QKI: variants seen among roughly 807,000 people sequenced by gnomAD.
QKI encodes the protein QKI, KH domain containing RNA binding, also known as KH domain-containing RNA-binding protein QKI.
QKI carries 10 observed loss-of-function variants against 39.0 expected under a neutral mutation model. The ratio of observed to expected loss-of-function variants is 0.26; its 90% confidence interval spans 0.16 to 0.43. The LOEUF (loss-of-function observed/expected upper bound fraction) is 0.43. QKI is among the 20% of genes least tolerant of loss of function. The probability of loss-of-function intolerance (pLI) is 1.00; values close to 1 mark genes in which losing one functional copy is unlikely to be tolerated. For synonymous variants in QKI, 204 were observed against 155.4 expected, an observed-to-expected ratio of 1.31 and a Z score of -2.33; for missense variants, 218 against 428.0, an observed-to-expected ratio of 0.51 and a Z score of 4.33.
At chr6:163,518,501 C>T (rs78843033) in intron 3 of QKI, among the ~76,000 whole-genome samples, 6,152 of 152,232 alleles carry the variant, frequency 0.04, 139 homozygotes, top group African/African-American at 0.063. Flanking sequence ...GCCACAGACT[C>T]ATTTCTAAAG....
chr6:163,570,611 G>A, intron 7 of QKI, 83 bp from the exon 8 acceptor site: 5 of 1,579,306 alleles, frequency 3.2e-6, no homozygotes, highest in Non-Finnish European at 3.4e-6. Context: ...TTGTCATTAA[G>A]CCGTCACTAG....
At chr6:163,548,108 C>T (rs1308712444) in intron 4 of QKI, among the ~76,000 whole-genome samples, 2 of 152,136 alleles carry the variant, frequency 1.3e-5, no homozygotes, top group Admixed American at 1.3e-4. Flanking sequence ...GATTTGTATT[C>T]TGTACTAATA....
At chr6:163,478,547 T>G (rs1792804825) in intron 2 of QKI, among the ~76,000 whole-genome samples, 1 of 152,216 alleles carries the variant, frequency 6.6e-6, no homozygotes, top group African/African-American at 2.4e-5. Context: ...CTGTATACTG[T>G]TCCCAGTTCA....
intron 3 of QKI, among the ~76,000 whole-genome samples, chr6:163,528,822 G>A (rs1318892168): frequency 6.6e-6 from 1 of 152,050 alleles, no homozygotes; most frequent in Non-Finnish European, 1.5e-5. Context: ...CCATTTCCAT[G>A]GAACCTCTGT....
At chr6:163,496,654 T>TCCTCC (rs1778431536) in intron 3 of QKI, among the ~76,000 whole-genome samples, 1 of 152,200 alleles carries the variant, frequency 6.6e-6, no homozygotes, top group Non-Finnish European at 1.5e-5. Context: ...TGTAGCTTGC[T>TCCTCC]CCTCCCTAGA....
At chr6:163,517,481 A>C (rs949879152) in intron 3 of QKI, among the ~76,000 whole-genome samples, 5 of 151,578 alleles carry the variant, frequency 3.3e-5, no homozygotes, top group Non-Finnish European at 7.4e-5. Flanking sequence ...GCAGTGGCTT[A>C]ATCTTGGTTC....
chr6:163,475,558 A>C (rs997843176), intron 2 of QKI, among the ~76,000 whole-genome samples: 1 of 152,170 alleles, frequency 6.6e-6, no homozygotes, highest in African/African-American at 2.4e-5. Context: ...CCCACCCCAG[A>C]TACCAAGGGA....
chr6:163,532,021 A>G (rs1198909878), intron 3 of QKI, among the ~76,000 whole-genome samples: 1 of 152,246 alleles, frequency 6.6e-6, no homozygotes. Flanking sequence ...TGAATTAGTA[A>G]GAGTACGCAT....
At chr6:163,509,419 A>AT (rs530946004) in intron 3 of QKI, among the ~76,000 whole-genome samples, 101 of 151,002 alleles carry the variant, frequency 6.7e-4, no homozygotes, top group Middle Eastern at 3.5e-3. Context: ...GAAAATAACC[A>AT]TTTTTTTTGC....
chr6:163,568,823 A>G (rs996636324), intron 7 of QKI: 5 of 985,760 alleles, frequency 5.1e-6, no homozygotes, highest in Non-Finnish European at 6.0e-6. Context: ...CTGAATTTGA[A>G]GCCTATTAGA....
At chr6:163,472,462 A>G (rs1208011168) in intron 2 of QKI, among the ~76,000 whole-genome samples, 6 of 152,076 alleles carry the variant, frequency 3.9e-5, no homozygotes, top group Admixed American at 3.9e-4. Context: ...AATGTTCTGT[A>G]AGTAGACCCA....
At chr6:163,508,248 AT>A (rs1390614918) in intron 3 of QKI, among the ~76,000 whole-genome samples, 1 of 152,180 alleles carries the variant, frequency 6.6e-6, no homozygotes, top group Non-Finnish European at 1.5e-5. Flanking sequence ...AATCTCACAA[AT>A]TTGATGAAAG....
rs77172426 is a variant in QKI, at chr6:163,568,927, G to A, written c.1010-1767G>A. The stretch of plus-strand genomic sequence containing the variant: ...AAGACTTGGCAGAGGATGTAGTCTA[G>A]GTGTCCTGGTATATATAAATGGTCA... On this transcript the variant is annotated intron_variant, in intron 7 of 7. Transcript: ENST00000361752. The A allele has an allele frequency of 4.5e-3, 4,410 of 985,872 alleles. 150 individuals carry two copies. In the African/African-American group the frequency reaches 0.07, roughly 16 times the overall value. The allele number at this position is 985,872 out of a possible 1,614,324, so 61.1% of individuals were successfully genotyped here.
chr6:163,431,244 A>G (rs890677545), intron 1 of QKI, among the ~76,000 whole-genome samples: 11 of 152,216 alleles, frequency 7.2e-5, no homozygotes, highest in African/African-American at 2.2e-4. Context: ...AAAGGAAGCA[A>G]GAAAACTGTC....
intron 1 of QKI, among the ~76,000 whole-genome samples, chr6:163,441,284 A>G (rs1024238174): frequency 2.0e-5 from 3 of 152,200 alleles, no homozygotes; most frequent in African/African-American, 4.8e-5. Flanking sequence ...AAAGAGACCA[A>G]GCCATTTGCA....
chr6:163,494,089 C>T (rs886384535), intron 3 of QKI, among the ~76,000 whole-genome samples: 1 of 150,732 alleles, frequency 6.6e-6, no homozygotes, highest in East Asian at 1.9e-4. Context: ...ATACTGCAGG[C>T]CCCACATCCT....
intron 2 of QKI, among the ~76,000 whole-genome samples, chr6:163,477,895 GA>G (rs1458540992): frequency 6.6e-5 from 10 of 152,094 alleles, no homozygotes. Context: ...ATAAATGCAA[GA>G]AAAAAGTAGA....
At chr6:163,459,562 T>C (rs1227458516) in intron 2 of QKI, among the ~76,000 whole-genome samples, 1 of 152,186 alleles carries the variant, frequency 6.6e-6, no homozygotes, top group African/African-American at 2.4e-5. Context: ...CTGAAATAAA[T>C]ATTTGCCGAA....
intron 5 of QKI, 83 bp from the exon 6 acceptor site, chr6:163,563,333 CCTTT>C (rs1562547993): frequency 3.8e-5 from 47 of 1,244,722 alleles, no homozygotes; most frequent in Non-Finnish European, 4.6e-5. Context: ...TCCTGCTTTT[CCTTT>C]CTTTTTCCTA....
Sources: allele counts gnomAD v4.1 joint callset (sites outside exome capture counted in the v4.1 genomes callset), GRCh38; gene constraint gnomAD v4.1.1; transcripts MANE v1.5; gene names NCBI Gene and HGNC (gene_info 2026-07-23, HGNC 2026-07-21).